Variants in ST6GALNAC3 observed in about 807,000 individuals in gnomAD.
The protein encoded by ST6GALNAC3 is ST6 N-acetylgalactosaminide alpha-2,6-sialyltransferase 3, also known as alpha-N-acetylgalactosaminide alpha-2,6-sialyltransferase 3.
A neutral mutation model predicts 32.7 loss-of-function variants in ST6GALNAC3; 25 were observed. The observed-to-expected ratio is 0.76, with a 90% CI of 0.56 to 1.07. ST6GALNAC3 has a LOEUF of 1.07. ST6GALNAC3 is among the 50% of genes least tolerant of loss of function. ST6GALNAC3 has a pLI of 0.00. For missense variants in ST6GALNAC3, 355 were observed against 382.4 expected (o/e 0.93, Z 0.60); for synonymous variants, 129 against 133.1 (o/e 0.97, Z 0.21).
intron 3 of ST6GALNAC3, among the ~76,000 whole-genome samples, chr1:76,548,220 T>C (rs982392034): frequency 6.6e-6 from 1 of 152,204 alleles, no homozygotes; most frequent in Admixed American, 6.5e-5. Flanking sequence ...CTCTCATTCT[T>C]TTCCTCTCAA....
intron 3 of ST6GALNAC3, among the ~76,000 whole-genome samples, chr1:76,533,085 C>T (rs549457834): frequency 6.6e-6 from 1 of 152,090 alleles, no homozygotes; most frequent in African/African-American, 2.4e-5. Context: ...GTACCAGTGG[C>T]GAGTTCTTGT....
intron 1 of ST6GALNAC3, among the ~76,000 whole-genome samples, chr1:76,282,192 C>T (rs981254389): frequency 1.8e-4 from 28 of 151,644 alleles, no homozygotes; most frequent in African/African-American, 6.1e-4. Flanking sequence ...TCCCTTTGTC[C>T]TGCCTTGAGA....
intron 3 of ST6GALNAC3, among the ~76,000 whole-genome samples, chr1:76,606,880 G>A (rs570580167): frequency 3.2e-4 from 43 of 133,074 alleles, no homozygotes; most frequent in African/African-American, 5.9e-4. Flanking sequence ...TTTTCATGCC[G>A]ACCGATTCTC....
chr1:76,533,206 C>G (rs1570138602), intron 3 of ST6GALNAC3, among the ~76,000 whole-genome samples: 1 of 152,168 alleles, frequency 6.6e-6, no homozygotes, highest in East Asian at 1.9e-4. Context: ...TAACTGCTTT[C>G]AGGAACCATG....
At chr1:76,415,180 T>C (rs1313938464) in intron 3 of ST6GALNAC3, among the ~76,000 whole-genome samples, 2 of 149,206 alleles carry the variant, frequency 1.3e-5, no homozygotes, top group Non-Finnish European at 3.0e-5. Context: ...TCTTTTTTTT[T>C]TTTTTTTTTT....
chr1:76,579,936 A>G (rs12733453), intron 3 of ST6GALNAC3, among the ~76,000 whole-genome samples: 14,092 of 152,002 alleles, frequency 0.093, 793 homozygotes, highest in African/African-American at 0.16. Flanking sequence ...TTGATTAGAG[A>G]TTACAAAATA....
intron 3 of ST6GALNAC3, among the ~76,000 whole-genome samples, chr1:76,569,137 A>G (rs149676052): frequency 1.1e-4 from 17 of 152,310 alleles, no homozygotes; most frequent in African/African-American, 4.1e-4. Context: ...GAAGGGCCAT[A>G]TACTGCTGTC....
chr1:76,264,433 G>A (rs1570623410), intron 1 of ST6GALNAC3, among the ~76,000 whole-genome samples: 1 of 152,258 alleles, frequency 6.6e-6, no homozygotes, highest in Non-Finnish European at 1.5e-5. Context: ...TGCACTTAAG[G>A]AGATTCTTCA....
At chr1:76,184,217 G>A (rs1653385537) in intron 1 of ST6GALNAC3, among the ~76,000 whole-genome samples, 1 of 152,062 alleles carries the variant, frequency 6.6e-6, no homozygotes, top group Admixed American at 6.6e-5. Flanking sequence ...AGGTAAGTCA[G>A]CTTATCCAAG....
intron 1 of ST6GALNAC3, among the ~76,000 whole-genome samples, chr1:76,102,624 A>G (rs1322439973): frequency 6.6e-6 from 1 of 152,028 alleles, no homozygotes; most frequent in Non-Finnish European, 1.5e-5. Flanking sequence ...TATAGTATGC[A>G]TCTTGACTCA....
At chr1:76,355,992 G>C (rs1649407501) in intron 2 of ST6GALNAC3, among the ~76,000 whole-genome samples, 1 of 152,030 alleles carries the variant, frequency 6.6e-6, no homozygotes, top group Admixed American at 6.5e-5. Flanking sequence ...GGAGCAAAGT[G>C]ATATTTTATA....
chr1:76,563,495 G>A (rs2100443276), intron 3 of ST6GALNAC3, among the ~76,000 whole-genome samples: 1 of 152,322 alleles, frequency 6.6e-6, no homozygotes, highest in East Asian at 1.9e-4. Context: ...CTCAAAGGAA[G>A]ATAATACTTG....
chr1:76,503,372 T>G (rs1443414966), intron 3 of ST6GALNAC3, among the ~76,000 whole-genome samples: 2 of 152,220 alleles, frequency 1.3e-5, no homozygotes, highest in African/African-American at 4.8e-5. Flanking sequence ...TGGGGCCTGC[T>G]CATTTGCTTT....
At chr1:76,628,557 G>A (rs41291522) in intron 4 of ST6GALNAC3, 63 bp from the exon 5 acceptor site, 181,889 of 1,436,190 alleles carry the variant, frequency 0.13, 12,821 homozygotes, top group Admixed American at 0.25. Flanking sequence ...ATGGATTCTT[G>A]TAAATGAGTG....
At chr1:76,135,456 C>T (rs1352538211) in intron 1 of ST6GALNAC3, among the ~76,000 whole-genome samples, 1 of 152,190 alleles carries the variant, frequency 6.6e-6, no homozygotes, top group Non-Finnish European at 1.5e-5. Flanking sequence ...TTTACTGCAG[C>T]ACTCTAGTGA....
At chr1:76,163,943 A>G (rs1651965165) in intron 1 of ST6GALNAC3, among the ~76,000 whole-genome samples, 1 of 152,156 alleles carries the variant, frequency 6.6e-6, no homozygotes, top group Non-Finnish European at 1.5e-5. Flanking sequence ...TTTAGCCTCA[A>G]TTCCTCCAGA....
chr1:76,151,691 A>T (rs966150963), intron 1 of ST6GALNAC3, among the ~76,000 whole-genome samples: 1 of 152,104 alleles, frequency 6.6e-6, no homozygotes, highest in Non-Finnish European at 1.5e-5. Context: ...TGGCCAGAGA[A>T]CCTCTGGTAA....
At chr1:76,616,099 G>A (rs1648274886) in intron 3 of ST6GALNAC3, among the ~76,000 whole-genome samples, 1 of 152,158 alleles carries the variant, frequency 6.6e-6, no homozygotes, top group East Asian at 1.9e-4. Context: ...TCCAGGTACT[G>A]ATTTACTGTA....
At chr1:76,554,544 G>C (rs975349827) in intron 3 of ST6GALNAC3, among the ~76,000 whole-genome samples, 1 of 151,972 alleles carries the variant, frequency 6.6e-6, no homozygotes, top group Non-Finnish European at 1.5e-5. Flanking sequence ...GGAGTCAGGA[G>C]GTTTACTTGG....
Sources: gnomAD v4.1 joint callset for allele counts (sites outside exome capture counted in the v4.1 genomes callset) on GRCh38, gnomAD v4.1.1 for gene constraint, MANE v1.5 for transcripts, NCBI Gene and HGNC (gene_info 2026-07-23, HGNC 2026-07-21) for gene names.